TMEM131L: variants seen among roughly 807,000 people sequenced by gnomAD.
The protein encoded by TMEM131L is transmembrane 131 like.
A neutral mutation model predicts 192.2 loss-of-function variants in TMEM131L; 54 were observed. That is an observed-to-expected ratio of 0.28 (90% CI 0.23 to 0.35). TMEM131L has a LOEUF of 0.35. Among genes scored for constraint, TMEM131L ranks in the 10% least tolerant of loss-of-function variants. The pLI, the probability that TMEM131L is intolerant of heterozygous loss-of-function variation, is 1.00. For missense variants in TMEM131L, 1,888 were observed against 1,972.9 expected (o/e 0.96, Z 0.82); for synonymous variants, 701 against 704.9 (o/e 0.99, Z 0.09).
intron 33 of TMEM131L, among the ~76,000 whole-genome samples, chr4:153,634,892 GATGTATC>G (rs1734464295): frequency 6.6e-6 from 1 of 152,206 alleles, no homozygotes; most frequent in South Asian, 2.1e-4. Context: ...TCAGGGAAGG[GATGTATC>G]ATTCTTATCT....
At chr4:153,554,848 A>G (rs1298678223) in intron 4 of TMEM131L, among the ~76,000 whole-genome samples, 4 of 152,212 alleles carry the variant, frequency 2.6e-5, no homozygotes, top group Non-Finnish European at 5.9e-5. Flanking sequence ...TAGAGGGAGC[A>G]TTGTAGGTGG....
At chr4:153,557,765 A>G (rs769170276) in intron 6 of TMEM131L, among the ~76,000 whole-genome samples, 4 of 152,220 alleles carry the variant, frequency 2.6e-5, no homozygotes, top group Non-Finnish European at 4.4e-5. Context: ...AGTGAGGAAC[A>G]TTCAGCTTAA....
intron 16 of TMEM131L, 62 bp downstream of exon 16, chr4:153,589,069 C>T (rs1730892676): frequency 8.0e-6 from 7 of 874,986 alleles, no homozygotes; most frequent in Non-Finnish European, 1.3e-5. Flanking sequence ...AGTAGTCCCT[C>T]CTTACCTGCG....
intron 3 of TMEM131L, among the ~76,000 whole-genome samples, chr4:153,525,749 T>C (rs1433698638): frequency 1.3e-5 from 2 of 152,236 alleles, no homozygotes; most frequent in African/African-American, 4.8e-5. Flanking sequence ...TGTATCAGTG[T>C]TTTTCAAATA....
rs1317754140 is a variant in TMEM131L at position 153,604,173 on chromosome 4, T to C, written c.3161T>C (p.Leu1054Pro). ...QKNLTLPKNL[L>P]NKEENTLKNT... ...AATTTAACCCTTCCCAAAAACTTAC[T>C]GAATAAAGAAGAAAACACACTGAAA... Residue 1054 changes from leucine (L) to proline (P), a missense_variant, in exon 25 of 35, where the codon CTG (leucine) becomes CCG (proline). Coordinates refer to ENST00000409959, the MANE Select transcript of TMEM131L (RefSeq NM_001131007.2). 6.2e-7 allele frequency: 1 copy of C among 1,614,068 alleles called. No homozygotes were observed. Among genetic ancestry groups the C allele is most frequent in the Non-Finnish European group, 8.5e-7 (1 of 1,179,996 alleles).
At chr4:153,603,662 A>C in intron 24 of TMEM131L, 140 bp from the exon 25 acceptor site, 1 of 1,071,556 alleles carries the variant, frequency 9.3e-7, no homozygotes, top group Non-Finnish European at 1.3e-6. Context: ...TTGGCAGAAA[A>C]CTCTTGGAGC....
At chr4:153,628,512 G>C (rs986728597) in intron 31 of TMEM131L, among the ~76,000 whole-genome samples, 2 of 152,136 alleles carry the variant, frequency 1.3e-5, no homozygotes, top group Non-Finnish European at 2.9e-5. Flanking sequence ...TTTAAAAGCT[G>C]CTCTGCACAT....
chr4:153,496,869 T>G (rs371587448), intron 3 of TMEM131L, among the ~76,000 whole-genome samples: 124 of 150,712 alleles, frequency 8.2e-4, no homozygotes, highest in African/African-American at 1.5e-3. Context: ...ACTTTTTTTT[T>G]TTTGTTTTTG....
chr4:153,556,620 T>C (rs76151316), intron 5 of TMEM131L, among the ~76,000 whole-genome samples: 2,061 of 152,366 alleles, frequency 0.014, 60 homozygotes, highest in African/African-American at 0.047. Flanking sequence ...CATATCAACA[T>C]GTTTGCACGT....
At chr4:153,494,391 CAG>C (rs1358040487) in intron 3 of TMEM131L, among the ~76,000 whole-genome samples, 2 of 152,240 alleles carry the variant, frequency 1.3e-5, no homozygotes, top group African/African-American at 4.8e-5. Context: ...CAATATTTGA[CAG>C]AGAAAGGTGT....
chr4:153,560,090 C>T (rs752384403), intron 7 of TMEM131L, among the ~76,000 whole-genome samples: 22 of 152,294 alleles, frequency 1.4e-4, no homozygotes, highest in East Asian at 5.8e-4. Flanking sequence ...GGGACTTTTG[C>T]GTCTCTCCCC....
At chr4:153,513,103 T>C (rs2150086609) in intron 3 of TMEM131L, among the ~76,000 whole-genome samples, 1 of 152,324 alleles carries the variant, frequency 6.6e-6, no homozygotes, top group South Asian at 2.1e-4. Flanking sequence ...AGGCAGTCAG[T>C]AGAGCTCTGG....
chr4:153,557,992 A>C (rs1728595678), intron 6 of TMEM131L, among the ~76,000 whole-genome samples: 1 of 152,098 alleles, frequency 6.6e-6, no homozygotes, highest in South Asian at 2.1e-4. Flanking sequence ...GCTGGTCTCA[A>C]ACTCCTGTCC....
chr4:153,470,699 T>C (rs1044022468), intron 2 of TMEM131L, among the ~76,000 whole-genome samples: 1 of 152,220 alleles, frequency 6.6e-6, no homozygotes, highest in African/African-American at 2.4e-5. Context: ...TTTGTGTACC[T>C]TCTTACTTTG....
At chr4:153,570,708 G>A (rs1462619779) in intron 7 of TMEM131L, among the ~76,000 whole-genome samples, 3 of 152,214 alleles carry the variant, frequency 2.0e-5, no homozygotes, top group Non-Finnish European at 4.4e-5. Flanking sequence ...TGTGGGCAGT[G>A]ACGTTGAGAT....
chr4:153,497,598 T>C (rs915864788), intron 3 of TMEM131L, among the ~76,000 whole-genome samples: 2 of 152,168 alleles, frequency 1.3e-5, no homozygotes, highest in African/African-American at 4.8e-5. Flanking sequence ...CAGAGACATA[T>C]ATTTGTAGTC....
chr4:153,582,444 T>TG (rs1730423385), intron 9 of TMEM131L, among the ~76,000 whole-genome samples: 1 of 138,520 alleles, frequency 7.2e-6, no homozygotes, highest in Non-Finnish European at 1.6e-5. Context: ...TTTTTTTTTT[T>TG]TTTTTTTTTT....
At chr4:153,583,300 T>G in intron 10 of TMEM131L, 52 bp downstream of exon 10, 1 of 951,832 alleles carries the variant, frequency 1.1e-6, no homozygotes, top group East Asian at 2.4e-5. Context: ...AGTGTGCATT[T>G]AATTGTAGAA....
Position 153,555,364 on chromosome 4 carries a change from C to T in TMEM131L, c.309-423C>T, listed in dbSNP as rs139700088. ...ATATTTTCGTTTGTTTCAATATTTT[C>T]GAATGAATATTTCAGTGAATTTTCA... On this transcript the variant is annotated intron_variant, in intron 4 of 34. Transcript: ENST00000409959. The surrounding 1 kb of genome is among the most constrained non-coding windows in gnomAD (Gnocchi z 4.1). 1.8e-4 allele frequency among the ~76,000 whole-genome samples: 28 copies of T among 152,204 alleles called. No individual in the cohort carries two copies. In the East Asian group the frequency reaches 4.6e-3, roughly 25 times the overall value.
Sources: gnomAD v4.1 joint callset for allele counts (sites outside exome capture counted in the v4.1 genomes callset) on GRCh38, gnomAD v4.1.1 for gene constraint, Gnocchi (gnomAD v3.1) non-coding constraint, MANE v1.5 for transcripts, NCBI Gene and HGNC (gene_info 2026-07-23, HGNC 2026-07-21) for gene names.